The following TTC16 variants were observed in gnomAD, a reference collection of about 807,000 sequenced individuals.
TTC16 encodes tetratricopeptide repeat protein 16.
Under a neutral mutation model 80.4 loss-of-function variants are expected in TTC16, and 66 were observed. The observed-to-expected ratio is 0.82, with a 90% CI of 0.67 to 1.01. The LOEUF (loss-of-function observed/expected upper bound fraction) is 1.01, where lower values mean the gene tolerates loss of function less well. Among genes scored for constraint, TTC16 ranks in the 50% least tolerant of loss-of-function variants. TTC16 has a pLI of 0.00. For missense variants in TTC16, 1,070 were observed against 1,103.2 expected, an observed-to-expected ratio of 0.97 and a Z score of 0.43; for synonymous variants, 438 against 451.3, an observed-to-expected ratio of 0.97 and a Z score of 0.37.
intron 1 of TTC16, chr9:127,716,635 G>A (rs1028373013): frequency 2.7e-5 from 17 of 626,216 alleles, no homozygotes; most frequent in East Asian, 5.6e-5. Flanking sequence ...TTGACCACAG[G>A]AGAGGGAGAA....
In TTC16 at chr9:127,724,110, C is replaced by CT. The variant is rs761883822; in HGVS notation, c.873-10_873-9insT. On this transcript the variant is annotated splice_polypyrimidine_tract_variant and intron_variant, in intron 7 of 13. Coordinates refer to ENST00000373289, the MANE Select transcript of TTC16 (RefSeq NM_144965.3). ...GTCCCTCCTGCCGTCTCCCACGCCCCCCCCGACAGGGGCACCATGTACCGA... is the reference window on the plus strand; with the variant it reads ...GTCCCTCCTGCCGTCTCCCACGCCCCTCCCCGACAGGGGCACCATGTACCGA... The CT allele has an allele frequency of 1.3e-6, 2 of 1,598,168 alleles. No individual in the cohort carries two copies. The highest frequency in any genetic ancestry group is 1.1e-5 in the South Asian group (1 of 89,134).
intron 7 of TTC16, among the ~76,000 whole-genome samples, chr9:127,723,715 A>G (rs1843676526): frequency 6.6e-6 from 1 of 152,174 alleles, no homozygotes; most frequent in Admixed American, 6.5e-5. Context: ...CGGTCCACCC[A>G]GCCAATCTCT....
Position 127,717,648 on chromosome 9 carries a change from G to A in TTC16, c.302G>A (p.Arg101Gln), listed in dbSNP as rs751396167. ...DPQLVDFYALRAEAYLQLCDF... is the reference protein window; with the variant it reads ...DPQLVDFYALQAEAYLQLCDF... The stretch of plus-strand genomic sequence containing the variant: ...CCTCAGGTGGACTTCTATGCCTTAC[G>A]GGCTGAGGCCTACCTCCAGCTCTGT... Residue 101 changes from arginine (R) to glutamine (Q), a missense_variant, in exon 4 of 14, where the codon CGG (arginine) becomes CAG (glutamine). Transcript: ENST00000373289. The A allele has an allele frequency of 1.8e-5, 29 of 1,613,870 alleles. 1 individual carries two copies. In the East Asian group the frequency reaches 4.2e-4, roughly 24 times the overall value.
In TTC16 at chr9:127,724,115, G is replaced by A. The variant is rs780371969; in HGVS notation, c.873-5G>A. 4.5e-6 allele frequency: 7 copies of A among 1,567,472 alleles called. No individual in the cohort carries two copies. Among genetic ancestry groups the A allele is most frequent in the East Asian group, 4.5e-5 (2 of 44,152 alleles). On this transcript the variant is annotated splice_region_variant and splice_polypyrimidine_tract_variant and intron_variant, in intron 7 of 13. Coordinates refer to ENST00000373289, the MANE Select transcript of TTC16 (RefSeq NM_144965.3). ...TCCTGCCGTCTCCCACGCCCCCCCC[G>A]ACAGGGGCACCATGTACCGACGGCT...
In TTC16 at chr9:127,722,340, C is replaced by T. The variant is rs1843577019; in HGVS notation, c.658-779C>T. 6.6e-6 allele frequency among the ~76,000 whole-genome samples: 1 copy of T among 152,224 alleles called. No individual in the cohort carries two copies. The highest frequency in any genetic ancestry group is 2.1e-4 in the South Asian group (1 of 4,834). Reference sequence around the variant, plus strand: ...TGTTGCCTGGCTGAGCTGCGCCTTCCTCCTCCTAGTGGAAGGGACTTGCTG... The same window carrying T: ...TGTTGCCTGGCTGAGCTGCGCCTTCTTCCTCCTAGTGGAAGGGACTTGCTG... On this transcript the variant is annotated intron_variant, in intron 6 of 13. Coordinates refer to ENST00000373289, the MANE Select transcript of TTC16 (RefSeq NM_144965.3). The surrounding 1 kb of genome is among the most constrained non-coding windows in gnomAD (Gnocchi z 4.2).
intron 4 of TTC16, 53 bp from the exon 5 acceptor site, chr9:127,720,025 G>T (rs1843323327): frequency 5.3e-6 from 8 of 1,523,068 alleles, no homozygotes; most frequent in African/African-American, 1.4e-5. Context: ...CCAACTGGGG[G>T]GTGCAGCTGG....
In TTC16 at chr9:127,722,052, A is replaced by C. The variant is rs1201582950; in HGVS notation, c.658-1067A>C. On this transcript the variant is annotated intron_variant, in intron 6 of 13. Transcript: ENST00000373289. This position sits in a 1 kb window ranked among gnomAD's most constrained non-coding sequence, Gnocchi z 4.2. ...TGTTCTCAGCACTTTGCCCCTGCTT[A>C]GCTGTGAGGCTCGCAGCAACCCTTT... Among the ~76,000 whole-genome samples, 1 of 152,120 alleles carries C rather than the reference A, an allele frequency of 6.6e-6. No homozygotes were observed. Among genetic ancestry groups the C allele is most frequent in the Non-Finnish European group, 1.5e-5 (1 of 68,020 alleles).
Position 127,730,378 on chromosome 9 carries a change from C to G in TTC16, c.1853-258C>G, listed in dbSNP as rs368979936. The stretch of plus-strand genomic sequence containing the variant: ...GGGGCTGTCTGCTGCAACAGGAGCA[C>G]AGAGGGCAGGGGCAGCCACAGAGCA... On this transcript the variant is annotated intron_variant, in intron 13 of 13. Transcript: ENST00000373289. The G allele has an allele frequency of 2.8e-5, 15 of 540,954 alleles. No individual in the cohort carries two copies. In the South Asian group the frequency reaches 3.7e-4, roughly 13 times the overall value. The allele number at this position is 540,954 out of a possible 1,614,324, so 33.5% of individuals were successfully genotyped here.
Position 127,718,582 on chromosome 9 carries a change from T to G in TTC16, c.426+810T>G, listed in dbSNP as rs1794930417. Among the ~76,000 whole-genome samples, 1 of 152,012 alleles carries G rather than the reference T, an allele frequency of 6.6e-6. No homozygotes were observed. The highest frequency in any genetic ancestry group is 2.1e-4 in the South Asian group (1 of 4,828). ...CAACGAAGTGTTGCTTTTTTCCATT[T>G]TGATAACCTTGATGTCTTTTTTTTT... On this transcript the variant is annotated intron_variant, in intron 4 of 13. Transcript: ENST00000373289. This position sits in a 1 kb window ranked among gnomAD's most constrained non-coding sequence, Gnocchi z 4.6.
intron 9 of TTC16, 125 bp downstream of exon 9, chr9:127,725,022 T>G (rs1231530484): frequency 1.7e-6 from 2 of 1,203,042 alleles, no homozygotes; most frequent in Non-Finnish European, 2.2e-6. Flanking sequence ...GGCTCATCCC[T>G]GTAATCCCCA....
At position 127,727,843 on chromosome 9, in the gene TTC16, T is replaced by G. The variant is rs372902995; in HGVS notation, c.1764+378T>G. On this transcript the variant is annotated intron_variant, in intron 12 of 13. Transcript: ENST00000373289. ...GGCACAATCTCGGCTCACTGCAACC[T>G]CCGCCTCCTGGGTTCAAGCAATTCT... 14 of 164,450 alleles carry G rather than the reference T, an allele frequency of 8.5e-5. No individual in the cohort carries two copies. In the East Asian group the frequency reaches 2.4e-3, roughly 28 times the overall value. 10.2% of individuals were successfully genotyped at this position (164,450 alleles called of 1,614,324 possible). A position where few individuals can be genotyped will look rare whatever the true frequency, so the allele number is the denominator to read the frequency against.
chr9:127,716,122 C>T lies in TTC16; in HGVS notation c.-24C>T. ...GCCGCGAGGTAGTTGGCAGAGGCCT[C>T]GGGGTCCTCCTGGAAGGGGCCTCAT... On this transcript the variant is annotated 5_prime_UTR_variant, in exon 1 of 14. Coordinates refer to ENST00000373289, the MANE Select transcript of TTC16 (RefSeq NM_144965.3). 1 of 1,613,752 alleles carries T rather than the reference C, an allele frequency of 6.2e-7. No homozygotes were observed. Among genetic ancestry groups the T allele is most frequent in the East Asian group, 2.2e-5 (1 of 44,892 alleles).
rs199988634 is a variant in TTC16 at position 127,720,334 on chromosome 9, A to G, written c.596A>G (p.Gln199Arg). 1 of 1,613,322 alleles carries G rather than the reference A, an allele frequency of 6.2e-7. No homozygotes were observed. Among genetic ancestry groups the G allele is most frequent in the East Asian group, 2.2e-5 (1 of 44,880 alleles). Residue 199 changes from glutamine to arginine, a missense_variant, in exon 6 of 14, where the codon CAG becomes CGG. Transcript: ENST00000373289. ...ACGCTCATCACCAACGAGCTGAAGC[A>G]GGACACCACCAACGCCGATGTCTAC... Reference protein sequence around the residue: ...CLTLITNELKQDTTNADVYIF... With the variant: ...CLTLITNELKRDTTNADVYIF...
At position 127,731,202 on chromosome 9, in the gene TTC16, GCTTT is replaced by G. The variant is rs772633967; in HGVS notation, c.2422_2425del (p.Phe808MetfsTer33). The G allele has an allele frequency of 2.5e-6, 4 of 1,612,850 alleles. No individual in the cohort carries two copies. The South Asian group carries it at 3.3e-5, about 13-fold the overall frequency. On this transcript the variant is annotated frameshift_variant, in exon 14 of 14. Coordinates refer to ENST00000373289, the MANE Select transcript of TTC16 (RefSeq NM_144965.3). LOFTEE classifies it low-confidence loss of function (END_TRUNC). ...GCTCCGAAGTTCCACCAAGACTGAGGCTTTCTATGACTCAAACTGGAGCCTCAGC... is the reference window on the plus strand; with the variant it reads ...GCTCCGAAGTTCCACCAAGACTGAGGCTATGACTCAAACTGGAGCCTCAGC...
chr9:127,726,412 C>G lies in TTC16; in HGVS notation c.1425+8C>G. The G allele has an allele frequency of 6.3e-7, 1 of 1,585,250 alleles. No individual in the cohort carries two copies. The highest frequency in any genetic ancestry group is 8.6e-7 in the Non-Finnish European group (1 of 1,161,246). Reference sequence around the variant, plus strand: ...AACCCCAAGCAACCAAAGGTAGGTTCCTGCCACGTCAGGAGTGTAGGCTCC... The same window carrying G: ...AACCCCAAGCAACCAAAGGTAGGTTGCTGCCACGTCAGGAGTGTAGGCTCC... On this transcript the variant is annotated splice_region_variant and intron_variant, in intron 10 of 13. Coordinates refer to ENST00000373289, the MANE Select transcript of TTC16 (RefSeq NM_144965.3).
chr9:127,723,980 A>T, intron 7 of TTC16, 140 bp from the exon 8 acceptor site: 1 of 1,210,396 alleles, frequency 8.3e-7, no homozygotes, highest in Non-Finnish European at 1.1e-6. Context: ...GGACAAACCT[A>T]GCAAATGAGG....
chr9:127,727,267 C>T lies in TTC16; in HGVS notation c.1569-3C>T. 1 of 1,553,746 alleles carries T rather than the reference C, an allele frequency of 6.4e-7. No homozygotes were observed. Among genetic ancestry groups the T allele is most frequent in the Non-Finnish European group, 8.7e-7 (1 of 1,147,328 alleles). ...ACAATACCTGGGGGGTATCGTTTGG[C>T]AGGATGCTTAAACGGCACGAGTTGG... On this transcript the variant is annotated splice_polypyrimidine_tract_variant and splice_region_variant and intron_variant, in intron 11 of 13. Transcript: ENST00000373289.
chr9:127,724,396 G>C (rs745825470), intron 8 of TTC16, 32 bp downstream of exon 8: 38 of 1,606,188 alleles, frequency 2.4e-5, no homozygotes, highest in Non-Finnish European at 3.1e-5. Context: ...GGGGAGGGGG[G>C]GTGCGGGGGA....
At chr9:127,726,781 C>G (rs558437577) in intron 10 of TTC16, among the ~76,000 whole-genome samples, 189 bp from the exon 11 acceptor site, 7 of 134,760 alleles carry the variant, frequency 5.2e-5, no homozygotes, top group Admixed American at 2.5e-4. Context: ...GAGTGAGACT[C>G]TGTCTCAAAA....
Sources: allele counts gnomAD v4.1 joint callset (sites outside exome capture counted in the v4.1 genomes callset), GRCh38; gene constraint gnomAD v4.1.1; non-coding constraint Gnocchi (gnomAD v3.1); transcripts MANE v1.5; gene names NCBI Gene and HGNC (gene_info 2026-07-23, HGNC 2026-07-21).